HSH2D: variants seen among roughly 807,000 people sequenced by gnomAD.
The protein encoded by HSH2D is hematopoietic SH2 domain-containing protein.
A neutral mutation model predicts 21.5 loss-of-function variants in HSH2D; 16 were observed. The observed-to-expected ratio is 0.74, with a 90% CI of 0.50 to 1.13. The LOEUF (loss-of-function observed/expected upper bound fraction) is 1.13, where lower values mean the gene tolerates loss of function less well. HSH2D is among the 50% of genes most tolerant of loss of function. HSH2D has a pLI of 0.00. For synonymous variants in HSH2D, 172 were observed against 184.7 expected (o/e 0.93, Z 0.56); for missense variants, 418 against 441.4 (o/e 0.95, Z 0.47).
chr19:16,141,307 G>A (rs1045130049), upstream of HSH2D, among the ~76,000 whole-genome samples: 1 of 152,226 alleles, frequency 6.6e-6, no homozygotes, highest in Non-Finnish European at 1.5e-5. Context: ...GAGGCACCCA[G>A]GGTGAGCCTG....
chr19:16,154,536 G>A, intron 5 of HSH2D, 45 bp downstream of exon 5: 1 of 1,284,426 alleles, frequency 7.8e-7, no homozygotes, highest in Non-Finnish European at 1.1e-6. Context: ...TGGCTGAGGG[G>A]CAGGAGTGGA....
At position 16,154,522 on chromosome 19, in the gene HSH2D, C is replaced by T. The variant is rs771962827; in HGVS notation, c.474+31C>T. The T allele has an allele frequency of 8.4e-6, 12 of 1,432,082 alleles. No individual in the cohort carries two copies. The Admixed American group carries it at 2.2e-4, about 26-fold the overall frequency. The allele number at this position is 1,432,082 out of a possible 1,614,324, so 88.7% of individuals were successfully genotyped here. ...TATATGACAGGAGGCTGGCACCTCC[C>T]ACCTGGCTGAGGGGCAGGAGTGGAG... On this transcript the variant is annotated intron_variant, in intron 5 of 5. Transcript: ENST00000613986.
intron 1 of HSH2D, among the ~76,000 whole-genome samples, chr19:16,145,033 T>G (rs28802401): frequency 0.03 from 3,982 of 131,864 alleles, 138 homozygotes; most frequent in East Asian, 0.17. Context: ...GTTTTTTTTT[T>G]GGGGTTTTTT....
At chr19:16,134,044 C>T (rs1599402042) in exon 1 of HSH2D, 1 of 152,332 alleles carries the variant, frequency 6.6e-6, no homozygotes, top group Non-Finnish European at 1.5e-5. Flanking sequence ...CCCAAGACCA[C>T]ACCCAGGTCC....
rs1382777857 is a variant in HSH2D at position 16,154,475 on chromosome 19, T to C, written c.458T>C (p.Val153Ala). ...GTGGCCGAGGAAGCTGCCTGCCCGG[T>C]GTCTGCCCCTGAGGAGGTATGTATA... ...NAVAEEAACP[V>A]SAPEEASPKP... Residue 153 changes from valine (V) to alanine (A), a missense_variant, in exon 5 of 6, where the codon GTG becomes GCG. Transcript: ENST00000613986. 1.9e-6 allele frequency: 3 copies of C among 1,551,622 alleles called. No individual in the cohort carries two copies. The Admixed American group carries it at 5.9e-5, about 30-fold the overall frequency.
chr19:16,148,793 C>T lies in HSH2D; in HGVS notation c.43C>T (p.Leu15=), dbSNP rs544538450. Reference sequence around the variant, plus strand: ...GCTGCCCCTACCGCTACCCCCACGGCTGGACTGGTTTGTGCACACCCAGAT... The same window carrying T: ...GCTGCCCCTACCGCTACCCCCACGGTTGGACTGGTTTGTGCACACCCAGAT... The part of the protein sequence containing the change: ...GKLPLPLPPR[L]DWFVHTQMGQ... Residue 15 remains leucine, a synonymous_variant, in exon 2 of 6, where the codon CTG becomes TTG. Transcript: ENST00000613986. The T allele has an allele frequency of 2.6e-4, 420 of 1,613,850 alleles. 2 individuals carry two copies. In the South Asian group the frequency reaches 4.4e-3, roughly 17 times the overall value.
At chr19:16,152,309 T>C (rs2091168780) in intron 2 of HSH2D, among the ~76,000 whole-genome samples, 2 of 151,060 alleles carry the variant, frequency 1.3e-5, no homozygotes, top group Admixed American at 1.3e-4. Context: ...TCCCAGCTAC[T>C]TGGGAGGCTG....
At chr19:16,144,326 G>T (rs921331445) in intron 1 of HSH2D, among the ~76,000 whole-genome samples, 1 of 151,912 alleles carries the variant, frequency 6.6e-6, no homozygotes, top group Admixed American at 6.6e-5. Context: ...AGGGGGGAAC[G>T]TTGGGGACAG....
At chr19:16,144,788 G>A (rs2091043247) in intron 1 of HSH2D, among the ~76,000 whole-genome samples, 1 of 145,804 alleles carries the variant, frequency 6.9e-6, no homozygotes, top group Non-Finnish European at 1.5e-5. Context: ...TGCCTCCCGA[G>A]TTCACGCCAT....
chr19:16,135,513 C>T (rs1436763261), intron 1 of HSH2D, among the ~76,000 whole-genome samples: 1 of 152,146 alleles, frequency 6.6e-6, no homozygotes, highest in African/African-American at 2.4e-5. Context: ...CAAGCCTCTA[C>T]ACGCTGCAGC....
chr19:16,150,190 G>A (rs1240554689), intron 2 of HSH2D, among the ~76,000 whole-genome samples: 3 of 151,992 alleles, frequency 2.0e-5, no homozygotes, highest in Non-Finnish European at 2.9e-5. Flanking sequence ...CGGGAGGATC[G>A]CTTGAGCCCA....
chr19:16,146,075 C>CA (rs796457464), intron 1 of HSH2D, among the ~76,000 whole-genome samples: 8,100 of 59,328 alleles, frequency 0.14, 865 homozygotes, highest in African/African-American at 0.35. Context: ...GATTCCATCT[C>CA]AAAAAAAAAA....
Position 16,153,181 on chromosome 19 carries a change from G to C in HSH2D, c.354G>C (p.Arg118Ser). The C allele has an allele frequency of 6.4e-7, 1 of 1,559,458 alleles. No homozygotes were observed. Among genetic ancestry groups the C allele is most frequent in the Non-Finnish European group, 8.7e-7 (1 of 1,153,570 alleles). The change falls in exon 4 of 6, where the codon AGG becomes AGC. Residue 118 changes from arginine (R) to serine (S), a missense_variant. Coordinates refer to ENST00000613986, the MANE Select transcript of HSH2D (RefSeq NM_001382417.1). ...FHQQKPIEPRRELLTQPCRQK... is the reference protein window; with the variant it reads ...FHQQKPIEPRSELLTQPCRQK... ...AGCAGAAGCCAATTGAGCCGCGCAG[G>C]GAGCTGCTGACACAGCCCTGCAGGC...
upstream of HSH2D, among the ~76,000 whole-genome samples, chr19:16,143,113 C>T (rs1183537871): frequency 2.6e-5 from 4 of 151,434 alleles, no homozygotes; most frequent in African/African-American, 9.7e-5. Flanking sequence ...GAGAAGGAGT[C>T]TCACTCCGTT....
chr19:16,143,445 A>G (rs942197698), upstream of HSH2D, among the ~76,000 whole-genome samples: 1 of 152,172 alleles, frequency 6.6e-6, no homozygotes, highest in Non-Finnish European at 1.5e-5. Flanking sequence ...TATAGATGCC[A>G]GGAGTCAGGG....
intron 1 of HSH2D, among the ~76,000 whole-genome samples, chr19:16,137,562 G>T (rs2090972304): frequency 6.7e-6 from 1 of 148,272 alleles, no homozygotes; most frequent in Non-Finnish European, 1.5e-5. Flanking sequence ...GGGCAACAGA[G>T]CGAGACTCCG....
At chr19:16,142,264 CA>C (rs540413465), upstream of HSH2D, among the ~76,000 whole-genome samples, 3 of 152,170 alleles carry the variant, frequency 2.0e-5, no homozygotes, top group South Asian at 4.2e-4. Flanking sequence ...CCCATCTCTA[CA>C]AAAAAATATA....
intron 1 of HSH2D, 140 bp from the exon 2 acceptor site, chr19:16,148,584 C>T: frequency 1.3e-6 from 1 of 767,938 alleles, no homozygotes; most frequent in African/African-American, 1.8e-5. Flanking sequence ...TCACACCCAG[C>T]CACAAGCCAG....
chr19:16,153,482 A>G (rs1332275535), intron 4 of HSH2D, among the ~76,000 whole-genome samples: 29 of 152,224 alleles, frequency 1.9e-4, no homozygotes, highest in Admixed American at 1.9e-3. Context: ...ATCTGAAGGA[A>G]TGACATCTTT....
Sources: allele counts gnomAD v4.1 joint callset (sites outside exome capture counted in the v4.1 genomes callset), GRCh38; gene constraint gnomAD v4.1.1; transcripts MANE v1.5; gene names NCBI Gene and HGNC (gene_info 2026-07-23, HGNC 2026-07-21).